DGUOK: variants seen among roughly 807,000 people sequenced by gnomAD.
DGUOK encodes the protein deoxyguanosine kinase, mitochondrial.
Under a neutral mutation model 36.6 loss-of-function variants are expected in DGUOK, and 30 were observed. That is an observed-to-expected ratio of 0.82 (90% confidence interval 0.61 to 1.11). The LOEUF (loss-of-function observed/expected upper bound fraction) is 1.11, where lower values mean the gene tolerates loss of function less well. DGUOK is among the 50% of genes most tolerant of loss of function. The pLI is 0.00. For missense variants in DGUOK, 361 were observed against 336.4 expected (o/e 1.07, Z -0.57); for synonymous variants, 145 against 126.3 (o/e 1.15, Z -0.99).
chr2:73,931,858 G>A (rs1279887044), intron 1 of DGUOK, among the ~76,000 whole-genome samples: 2 of 152,162 alleles, frequency 1.3e-5, no homozygotes, highest in Non-Finnish European at 2.9e-5. Context: ...GAACTGAAAT[G>A]ACAGAGAAGT....
chr2:73,949,449 G>C (rs1682555519), intron 3 of DGUOK, among the ~76,000 whole-genome samples: 1 of 152,170 alleles, frequency 6.6e-6, no homozygotes, highest in African/African-American at 2.4e-5. Context: ...TAATAACTAA[G>C]ATATCTAGAA....
intron 1 of DGUOK, 151 bp downstream of exon 1, chr2:73,927,203 C>A: frequency 1.9e-6 from 2 of 1,062,596 alleles, no homozygotes; most frequent in Non-Finnish European, 2.7e-6. Context: ...GCAAAGTGCA[C>A]TGTGTATCTT....
intron 4 of DGUOK, among the ~76,000 whole-genome samples, chr2:73,955,005 A>T (rs1682984223): frequency 6.6e-6 from 1 of 152,178 alleles, no homozygotes; most frequent in Non-Finnish European, 1.5e-5. Context: ...CCAAATGCTC[A>T]TAGTAGGAGT....
Position 73,939,016 on chromosome 2 carries a change from C to T in DGUOK, c.249C>T (p.Thr83=). The change falls in exon 2 of 7, where the codon ACC becomes ACT. Residue 83 remains threonine, a synonymous_variant. Transcript: ENST00000264093. Reference sequence around the variant, plus strand: ...GGCAGAATATCCAGGCTGCTGGCACCCAAAAAGTAAGTTTTTAGTTGTGGT... The same window carrying T: ...GGCAGAATATCCAGGCTGCTGGCACTCAAAAAGTAAGTTTTTAGTTGTGGT... ...ATWQNIQAAG[T]QKACTAQSLG... 2 of 1,612,870 alleles carry T rather than the reference C, an allele frequency of 1.2e-6. No homozygotes were observed. The highest frequency in any genetic ancestry group is 2.2e-5 in the South Asian group (2 of 91,068).
chr2:73,938,816 C>T, intron 1 of DGUOK, 94 bp from the exon 2 acceptor site: 1 of 843,448 alleles, frequency 1.2e-6, no homozygotes, highest in Non-Finnish European at 2.1e-6. Flanking sequence ...TACTTGTTCC[C>T]TTGAGTTTGG....
chr2:73,930,526 G>A (rs921442125), intron 1 of DGUOK, among the ~76,000 whole-genome samples: 1 of 152,162 alleles, frequency 6.6e-6, no homozygotes, highest in African/African-American at 2.4e-5. Context: ...GAGAGAACAG[G>A]GTATGTCACA....
intron 1 of DGUOK, 149 bp downstream of exon 1, chr2:73,927,201 C>G: frequency 9.4e-7 from 1 of 1,064,562 alleles, no homozygotes; most frequent in Non-Finnish European, 1.4e-6. Flanking sequence ...TCGCAAAGTG[C>G]ACTGTGTATC....
chr2:73,954,509 A>T (rs1293729304), intron 4 of DGUOK, among the ~76,000 whole-genome samples: 1 of 151,902 alleles, frequency 6.6e-6, no homozygotes, highest in Non-Finnish European at 1.5e-5. Flanking sequence ...ATCTCTAAAA[A>T]TTTTTTTTAA....
chr2:73,930,218 G>A (rs926335479), intron 1 of DGUOK, among the ~76,000 whole-genome samples: 6 of 152,194 alleles, frequency 3.9e-5, no homozygotes, highest in Non-Finnish European at 8.8e-5. Flanking sequence ...AGGAAGAAAG[G>A]TCATCAGCTA....
At chr2:73,927,079 C>T in intron 1 of DGUOK, 27 bp downstream of exon 1, 1 of 1,604,372 alleles carries the variant, frequency 6.2e-7, no homozygotes, top group Non-Finnish European at 8.5e-7. Context: ...GGCTGCCAAG[C>T]CTTGGCCTCC....
At chr2:73,953,594 C>T (rs1682856433) in intron 4 of DGUOK, among the ~76,000 whole-genome samples, 1 of 151,962 alleles carries the variant, frequency 6.6e-6, no homozygotes, top group South Asian at 2.1e-4. Context: ...TGTCCTGTCA[C>T]TATGTAAAAA....
intron 1 of DGUOK, among the ~76,000 whole-genome samples, chr2:73,934,492 C>G (rs1459594200): frequency 1.3e-5 from 2 of 152,294 alleles, no homozygotes; most frequent in East Asian, 3.9e-4. Context: ...GTGGCTAACC[C>G]CTGTCATCCC....
At chr2:73,936,100 T>C (rs1024920074) in intron 1 of DGUOK, among the ~76,000 whole-genome samples, 1 of 152,268 alleles carries the variant, frequency 6.6e-6, no homozygotes, top group Non-Finnish European at 1.5e-5. Context: ...TTAATTAAAA[T>C]AGCTTTTTAG....
intron 1 of DGUOK, among the ~76,000 whole-genome samples, chr2:73,931,764 G>A (rs181210299): frequency 8.1e-4 from 123 of 152,326 alleles, no homozygotes; most frequent in Non-Finnish European, 1.5e-3. Context: ...ATGAATAGAT[G>A]AATTGGAACA....
intron 1 of DGUOK, among the ~76,000 whole-genome samples, chr2:73,935,593 G>A (rs1202806452): frequency 6.6e-6 from 1 of 152,178 alleles, no homozygotes; most frequent in African/African-American, 2.4e-5. Context: ...TTCCACATCT[G>A]TGGGTGGTAC....
intron 2 of DGUOK, among the ~76,000 whole-genome samples, chr2:73,945,380 G>A (rs1384752176): frequency 6.6e-6 from 1 of 152,132 alleles, no homozygotes; most frequent in Non-Finnish European, 1.5e-5. Context: ...GAACTGTCTT[G>A]TTCACCTTTA....
intron 2 of DGUOK, among the ~76,000 whole-genome samples, chr2:73,944,939 AG>A (rs1447383225): frequency 6.7e-6 from 1 of 149,712 alleles, no homozygotes; most frequent in Non-Finnish European, 1.5e-5. Flanking sequence ...GCCACGTGTG[AG>A]GCTGGTATGT....
chr2:73,953,273 T>C (rs1217866965), intron 4 of DGUOK, among the ~76,000 whole-genome samples: 2 of 84,048 alleles, frequency 2.4e-5, no homozygotes, highest in African/African-American at 7.7e-5. Flanking sequence ...ATGATGATGA[T>C]GATGATCATC....
At chr2:73,937,575 CAGTG>C (rs1042569389) in intron 1 of DGUOK, among the ~76,000 whole-genome samples, 7 of 152,150 alleles carry the variant, frequency 4.6e-5, no homozygotes, top group Non-Finnish European at 8.8e-5. Context: ...GGACTTCTGT[CAGTG>C]AGTGGATGGT....
Sources: gnomAD v4.1 joint callset for allele counts (sites outside exome capture counted in the v4.1 genomes callset) on GRCh38, gnomAD v4.1.1 for gene constraint, MANE v1.5 for transcripts, NCBI Gene and HGNC (gene_info 2026-07-23, HGNC 2026-07-21) for gene names.